The following SLC4A10 variants were observed in gnomAD, a reference collection of about 807,000 sequenced individuals.
The protein encoded by SLC4A10 is sodium-driven chloride bicarbonate exchanger.
Under a neutral mutation model 137.7 loss-of-function variants are expected in SLC4A10, and 42 were observed. The ratio of observed to expected loss-of-function variants is 0.30; its 90% CI spans 0.24 to 0.39. The LOEUF (loss-of-function observed/expected upper bound fraction) is 0.39. SLC4A10 is among the 10% of genes least tolerant of loss of function. The pLI is 1.00. For missense variants in SLC4A10, 925 were observed against 1,355.0 expected (o/e 0.68, Z 4.98); for synonymous variants, 474 against 464.1 (o/e 1.02, Z -0.27).
intron 15 of SLC4A10, 146 bp downstream of exon 15, chr2:161,906,033 A>T: frequency 9.3e-7 from 1 of 1,070,090 alleles, no homozygotes; most frequent in African/African-American, 1.6e-5. Context: ...GTCGAACAGG[A>T]TTTTAAAAGT....
At chr2:161,642,713 A>T (rs2035481252) in intron 1 of SLC4A10, among the ~76,000 whole-genome samples, 1 of 151,948 alleles carries the variant, frequency 6.6e-6, no homozygotes, top group African/African-American at 2.4e-5. Flanking sequence ...TCATTTAGGG[A>T]GGTGAAATTC....
chr2:161,715,803 C>T (rs1416440882), intron 1 of SLC4A10, among the ~76,000 whole-genome samples: 1 of 151,998 alleles, frequency 6.6e-6, no homozygotes, highest in Non-Finnish European at 1.5e-5. Flanking sequence ...AATGAATATA[C>T]GCACGCATGT....
intron 1 of SLC4A10, among the ~76,000 whole-genome samples, chr2:161,672,353 AC>A (rs1487697779): frequency 6.6e-6 from 1 of 152,206 alleles, no homozygotes; most frequent in Non-Finnish European, 1.5e-5. Context: ...GTTTAAAAAA[AC>A]AAAAAAATTT....
intron 16 of SLC4A10, among the ~76,000 whole-genome samples, chr2:161,943,899 A>T (rs950203917): frequency 2.0e-5 from 3 of 151,972 alleles, no homozygotes; most frequent in Non-Finnish European, 2.9e-5. Context: ...TAAAGAGCAT[A>T]TGATCTATTG....
intron 1 of SLC4A10, among the ~76,000 whole-genome samples, chr2:161,683,989 C>A (rs2041135420): frequency 6.6e-6 from 1 of 152,160 alleles, no homozygotes; most frequent in African/African-American, 2.4e-5. Context: ...ACCTCCAGAA[C>A]TTTTCCATCA....
intron 11 of SLC4A10, 133 bp from the exon 12 acceptor site, chr2:161,900,778 C>T (rs991436138): frequency 3.4e-6 from 2 of 586,352 alleles, no homozygotes; most frequent in Non-Finnish European, 5.9e-6. Flanking sequence ...GGTCAAGCAA[C>T]AAGTAAGTAC....
intron 15 of SLC4A10, among the ~76,000 whole-genome samples, chr2:161,918,027 G>A (rs959404504): frequency 2.6e-5 from 4 of 152,182 alleles, no homozygotes; most frequent in Non-Finnish European, 4.4e-5. Context: ...ACTGCACTGC[G>A]TTGTGGGTCA....
intron 1 of SLC4A10, among the ~76,000 whole-genome samples, chr2:161,628,037 G>A (rs759383724): frequency 4.6e-5 from 7 of 152,070 alleles, no homozygotes; most frequent in Non-Finnish European, 8.8e-5. Context: ...GAGAATATAT[G>A]TAACAGTAAT....
intron 9 of SLC4A10, among the ~76,000 whole-genome samples, chr2:161,880,954 G>A (rs959801514): frequency 6.6e-6 from 1 of 151,982 alleles, no homozygotes; most frequent in Non-Finnish European, 1.5e-5. Context: ...AAACTGTCAG[G>A]TTTAAGTGAC....
intron 1 of SLC4A10, among the ~76,000 whole-genome samples, chr2:161,722,977 A>T (rs1018350994): frequency 6.6e-6 from 1 of 152,172 alleles, no homozygotes; most frequent in Non-Finnish European, 1.5e-5. Flanking sequence ...GCTGGACTGC[A>T]CTGTAGGGAA....
At chr2:161,839,990 A>T in intron 4 of SLC4A10, 63 bp downstream of exon 4, 3 of 1,588,700 alleles carry the variant, frequency 1.9e-6, no homozygotes, top group Non-Finnish European at 1.7e-6. Flanking sequence ...AGAAAAAGAG[A>T]TTTCTAATGC....
chr2:161,643,574 T>A (rs1451497399), intron 1 of SLC4A10, among the ~76,000 whole-genome samples: 1 of 152,170 alleles, frequency 6.6e-6, no homozygotes, highest in Non-Finnish European at 1.5e-5. Flanking sequence ...ATATCTTACA[T>A]ATGACAAAAG....
At chr2:161,854,552 G>A (rs2059997104) in intron 4 of SLC4A10, among the ~76,000 whole-genome samples, 1 of 152,014 alleles carries the variant, frequency 6.6e-6, no homozygotes, top group South Asian at 2.1e-4. Context: ...ATTACCAAGA[G>A]ACTAAAATAT....
intron 1 of SLC4A10, among the ~76,000 whole-genome samples, chr2:161,662,424 C>T (rs2038543067): frequency 6.6e-6 from 1 of 152,052 alleles, no homozygotes; most frequent in Non-Finnish European, 1.5e-5. Context: ...CCAGTAATCT[C>T]TGTGACTAGA....
At chr2:161,957,305 T>C in intron 20 of SLC4A10, 65 bp downstream of exon 20, 1 of 1,518,354 alleles carries the variant, frequency 6.6e-7, no homozygotes, top group South Asian at 1.3e-5. Flanking sequence ...AAAATTTTCA[T>C]TTGAATCTGA....
intron 19 of SLC4A10, among the ~76,000 whole-genome samples, chr2:161,956,597 G>C (rs975656938): frequency 6.6e-6 from 1 of 152,050 alleles, no homozygotes; most frequent in Non-Finnish European, 1.5e-5. Context: ...CCTGGTCCTA[G>C]GAGGCACTTA....
chr2:161,933,721 C>G (rs1008632872), intron 15 of SLC4A10, among the ~76,000 whole-genome samples: 1 of 152,168 alleles, frequency 6.6e-6, no homozygotes, highest in Non-Finnish European at 1.5e-5. Context: ...CTTATCCTTT[C>G]GTCCATTGAT....
intron 15 of SLC4A10, among the ~76,000 whole-genome samples, chr2:161,932,567 T>TG (rs530112434): frequency 5.9e-5 from 9 of 152,190 alleles, no homozygotes; most frequent in Non-Finnish European, 1.3e-4. Flanking sequence ...TATTAGGACT[T>TG]GCCTCTGAGT....
intron 1 of SLC4A10, chr2:161,651,140 A>G (rs2036734574): frequency 6.6e-6 from 1 of 152,604 alleles, no homozygotes; most frequent in Admixed American, 6.5e-5. Context: ...AGACTCATAC[A>G]GATGTTGGGA....
Sources: allele counts gnomAD v4.1 joint callset (sites outside exome capture counted in the v4.1 genomes callset), GRCh38; gene constraint gnomAD v4.1.1; transcripts MANE v1.5; gene names NCBI Gene and HGNC (gene_info 2026-07-23, HGNC 2026-07-21).